PDZRN4: variants seen among roughly 807,000 people sequenced by gnomAD.
PDZRN4 encodes PDZ domain-containing RING finger protein 4.
A neutral mutation model predicts 99.0 loss-of-function variants in PDZRN4; 70 were observed. The ratio of observed to expected loss-of-function variants is 0.71; its 90% confidence interval spans 0.58 to 0.86. The LOEUF is 0.86. Ranked by LOEUF, PDZRN4 falls within the 40% of genes least tolerant of loss-of-function variation. The pLI, the probability that PDZRN4 is intolerant of heterozygous loss-of-function variation, is 0.00. For synonymous variants in PDZRN4, 551 were observed against 501.6 expected, an observed-to-expected ratio of 1.10 and a Z score of -1.32; for missense variants, 1,474 against 1,331.2, an observed-to-expected ratio of 1.11 and a Z score of -1.67.
chr12:41,350,502 A>C (rs978531931), intron 3 of PDZRN4, among the ~76,000 whole-genome samples: 1 of 152,136 alleles, frequency 6.6e-6, no homozygotes, highest in African/African-American at 2.4e-5. Flanking sequence ...TATTTATGAA[A>C]TCTCTCAAAT....
rs1938925957 is a variant in PDZRN4 at position 41,545,259 on chromosome 12, C to T, written c.1204-7397C>T. Among the ~76,000 whole-genome samples, 3 of 152,182 alleles carry T rather than the reference C, an allele frequency of 2.0e-5. No homozygotes were observed. The South Asian group carries it at 6.2e-4, about 31-fold the overall frequency. On this transcript the variant is annotated intron_variant, in intron 5 of 9. Coordinates refer to ENST00000402685, the MANE Select transcript of PDZRN4 (RefSeq NM_001164595.2). Reference sequence around the variant, plus strand: ...GTTCACCATGACCCCTCACCCAGCCCAATCTTAAACTCTTAGCTTCGCACA... The same window carrying T: ...GTTCACCATGACCCCTCACCCAGCCTAATCTTAAACTCTTAGCTTCGCACA...
At chr12:41,525,799 T>C (rs1055707709) in intron 5 of PDZRN4, among the ~76,000 whole-genome samples, 1 of 152,092 alleles carries the variant, frequency 6.6e-6, no homozygotes, top group African/African-American at 2.4e-5. Flanking sequence ...GGAAGAATGC[T>C]CTGAGAAACA....
chr12:41,553,307 C>T (rs577980048), intron 6 of PDZRN4, among the ~76,000 whole-genome samples: 7 of 152,184 alleles, frequency 4.6e-5, no homozygotes, highest in Non-Finnish European at 7.3e-5. Context: ...GTCTAAAATG[C>T]GAGATACTGT....
intron 3 of PDZRN4, among the ~76,000 whole-genome samples, chr12:41,289,294 A>G (rs529312709): frequency 1.3e-5 from 2 of 152,312 alleles, no homozygotes; most frequent in South Asian, 4.1e-4. Flanking sequence ...CTTATAACTT[A>G]AGCTCATTTT....
At chr12:41,476,424 T>C (rs1000311036) in intron 3 of PDZRN4, among the ~76,000 whole-genome samples, 13 of 152,314 alleles carry the variant, frequency 8.5e-5, no homozygotes, top group Non-Finnish European at 1.8e-4. Context: ...TTAACTAGTG[T>C]TTAAATGCCA....
chr12:41,375,652 T>C (rs1952073668), intron 3 of PDZRN4, among the ~76,000 whole-genome samples: 1 of 152,178 alleles, frequency 6.6e-6, no homozygotes, highest in African/African-American at 2.4e-5. Context: ...GTATACAATA[T>C]AATGGTTTGA....
At chr12:41,367,363 A>T (rs555126124) in intron 3 of PDZRN4, among the ~76,000 whole-genome samples, 1 of 152,044 alleles carries the variant, frequency 6.6e-6, no homozygotes, top group East Asian at 1.9e-4. Flanking sequence ...TACAAAAATT[A>T]ACCAGGCATG....
chr12:41,238,718 A>G (rs914050784), intron 3 of PDZRN4, among the ~76,000 whole-genome samples: 1 of 149,122 alleles, frequency 6.7e-6, no homozygotes, highest in Non-Finnish European at 1.5e-5. Flanking sequence ...TAAAAAATAA[A>G]AAATAAAATA....
intron 3 of PDZRN4, among the ~76,000 whole-genome samples, chr12:41,240,491 T>C (rs1951094938): frequency 6.6e-6 from 1 of 152,238 alleles, no homozygotes; most frequent in Non-Finnish European, 1.5e-5. Context: ...TGCTTTTGGC[T>C]GCCAGATATG....
chr12:41,491,608 A>G (rs1266699529), intron 3 of PDZRN4, among the ~76,000 whole-genome samples: 1 of 152,166 alleles, frequency 6.6e-6, no homozygotes, highest in African/African-American at 2.4e-5. Flanking sequence ...CTGTGCCTTC[A>G]TAGATAACTT....
chr12:41,571,376 T>TCTCTCTCTCACACA (rs1303597271), intron 9 of PDZRN4, among the ~76,000 whole-genome samples: 1 of 65,514 alleles, frequency 1.5e-5, no homozygotes, highest in African/African-American at 5.0e-5. Context: ...TCTCTCTCTC[T>TCTCTCTCTCACACA]CACACACACA....
chr12:41,397,177 T>A (rs1475086492), intron 3 of PDZRN4, among the ~76,000 whole-genome samples: 1 of 152,170 alleles, frequency 6.6e-6, no homozygotes, highest in Non-Finnish European at 1.5e-5. Context: ...TCTAAACTGT[T>A]ACTTGATTTG....
intron 3 of PDZRN4, among the ~76,000 whole-genome samples, chr12:41,244,180 T>G (rs1024838229): frequency 1.3e-5 from 2 of 152,088 alleles, no homozygotes; most frequent in Admixed American, 6.6e-5. Flanking sequence ...AAATGGCCAT[T>G]CTATTCTTCC....
intron 3 of PDZRN4, among the ~76,000 whole-genome samples, chr12:41,304,600 G>C (rs1479890849): frequency 6.6e-6 from 1 of 152,164 alleles, no homozygotes; most frequent in Non-Finnish European, 1.5e-5. Flanking sequence ...AACAAGTTTT[G>C]CTACACTGAA....
At chr12:41,469,686 C>T (rs1345019379) in intron 3 of PDZRN4, among the ~76,000 whole-genome samples, 1 of 152,170 alleles carries the variant, frequency 6.6e-6, no homozygotes, top group East Asian at 1.9e-4. Flanking sequence ...AATCCCAGCA[C>T]TTTGGGAGGC....
At chr12:41,302,895 C>G (rs1951545219) in intron 3 of PDZRN4, among the ~76,000 whole-genome samples, 2 of 151,400 alleles carry the variant, frequency 1.3e-5, no homozygotes, top group Non-Finnish European at 2.9e-5. Context: ...CAGGAGAATA[C>G]TATTTTAGTC....
chr12:41,315,903 A>G (rs1352364564), intron 3 of PDZRN4, among the ~76,000 whole-genome samples: 1 of 152,096 alleles, frequency 6.6e-6, no homozygotes, highest in Non-Finnish European at 1.5e-5. Flanking sequence ...CTCCAGTCTG[A>G]AATCTCCTTC....
At chr12:41,307,270 G>A (rs1951577279) in intron 3 of PDZRN4, among the ~76,000 whole-genome samples, 2 of 151,908 alleles carry the variant, frequency 1.3e-5, no homozygotes, top group African/African-American at 2.4e-5. Flanking sequence ...TGAGATTAGG[G>A]TGACAGCATG....
intron 3 of PDZRN4, among the ~76,000 whole-genome samples, chr12:41,407,767 T>G (rs999680018): frequency 2.0e-5 from 3 of 151,548 alleles, no homozygotes; most frequent in African/African-American, 7.3e-5. Flanking sequence ...TGTTAAGAAG[T>G]AAGGTTCACC....
Sources: gnomAD v4.1 joint callset for allele counts (sites outside exome capture counted in the v4.1 genomes callset) on GRCh38, gnomAD v4.1.1 for gene constraint, MANE v1.5 for transcripts, NCBI Gene and HGNC (gene_info 2026-07-23, HGNC 2026-07-21) for gene names.